TAFA4: variants seen among roughly 807,000 people sequenced by gnomAD.
TAFA4 encodes TAFA chemokine like family member 4, also known as chemokine-like protein TAFA-4.
TAFA4 carries 20 observed loss-of-function variants against 21.1 expected under a neutral mutation model. The observed-to-expected ratio is 0.95, with a 90% CI of 0.67 to 1.38. The LOEUF (loss-of-function observed/expected upper bound fraction) is 1.38, where lower values mean the gene tolerates loss of function less well. TAFA4 is among the 40% of genes most tolerant of loss of function. The pLI is 0.00. For missense variants in TAFA4, 211 were observed against 180.9 expected (o/e 1.17, Z -0.95); for synonymous variants, 71 against 67.4 (o/e 1.05, Z -0.26).
At position 68,836,332 on chromosome 3, in the gene TAFA4, C is replaced by G. The variant is rs145018552; in HGVS notation, c.130+44398G>C. Among the ~76,000 whole-genome samples the G allele has an allele frequency of 1.1e-4, 17 of 152,252 alleles. No homozygotes were observed. The East Asian group carries it at 2.3e-3, about 21-fold the overall frequency. On this transcript the variant is annotated intron_variant, in intron 3 of 5. Transcript: ENST00000295569. ...AAATGCTGAGAAGAGAGTGGTGGCT[C>G]AAAATTAACAGGGGATAATAGCTGT...
At chr3:68,928,218 C>T (rs2090127294) in intron 1 of TAFA4, among the ~76,000 whole-genome samples, 1 of 152,262 alleles carries the variant, frequency 6.6e-6, no homozygotes, top group African/African-American at 2.4e-5. Flanking sequence ...AGTAGTTCAT[C>T]CATATAAAGA....
intron 3 of TAFA4, among the ~76,000 whole-genome samples, chr3:68,768,240 A>C (rs1409628948): frequency 1.3e-5 from 2 of 152,214 alleles, no homozygotes; most frequent in Non-Finnish European, 2.9e-5. Flanking sequence ...AGAATATATA[A>C]GAAACTCAAC....
intron 3 of TAFA4, among the ~76,000 whole-genome samples, chr3:68,823,212 T>TA (rs1047206957): frequency 1.3e-5 from 2 of 152,204 alleles, no homozygotes; most frequent in South Asian, 2.1e-4. Flanking sequence ...TTGGATGAGA[T>TA]AAAAAATTAC....
chr3:68,825,765 G>T (rs1176985052), intron 3 of TAFA4, among the ~76,000 whole-genome samples: 1 of 152,206 alleles, frequency 6.6e-6, no homozygotes, highest in Non-Finnish European at 1.5e-5. Context: ...TCAAATCTGT[G>T]ACCATTCTGC....
At chr3:68,907,121 A>G (rs2089909122) in intron 1 of TAFA4, among the ~76,000 whole-genome samples, 1 of 151,346 alleles carries the variant, frequency 6.6e-6, no homozygotes, top group African/African-American at 2.4e-5. Flanking sequence ...GGTACATTAC[A>G]CCCATCATGA....
At chr3:68,853,133 T>C (rs575221092) in intron 3 of TAFA4, among the ~76,000 whole-genome samples, 1 of 152,290 alleles carries the variant, frequency 6.6e-6, no homozygotes, top group African/African-American at 2.4e-5. Flanking sequence ...ATAAGTAAAT[T>C]ATACTTTATG....
intron 1 of TAFA4, among the ~76,000 whole-genome samples, chr3:68,900,015 G>C (rs2089828421): frequency 6.6e-6 from 1 of 150,764 alleles, no homozygotes; most frequent in African/African-American, 2.4e-5. Context: ...TGAGGCAGGG[G>C]ACTGCCTGAG....
At chr3:68,785,464 C>T (rs55957991) in intron 3 of TAFA4, among the ~76,000 whole-genome samples, 31,040 of 152,208 alleles carry the variant, frequency 0.2, 4,035 homozygotes, top group East Asian at 0.61. Context: ...CTGCCCCGCG[C>T]GGGAAGGCAG....
intron 3 of TAFA4, among the ~76,000 whole-genome samples, chr3:68,846,407 C>T (rs900179076): frequency 6.6e-6 from 1 of 151,954 alleles, no homozygotes; most frequent in Non-Finnish European, 1.5e-5. Flanking sequence ...TTCTAGTTAG[C>T]AATTCATCTA....
chr3:68,831,930 A>G (rs902837801), intron 3 of TAFA4, among the ~76,000 whole-genome samples: 14 of 151,850 alleles, frequency 9.2e-5, no homozygotes, highest in African/African-American at 3.1e-4. Context: ...CATTAATTTG[A>G]TCTTCAATCA....
intron 3 of TAFA4, among the ~76,000 whole-genome samples, chr3:68,792,573 T>A (rs1332860430): frequency 6.6e-6 from 1 of 152,186 alleles, no homozygotes; most frequent in Non-Finnish European, 1.5e-5. Context: ...ATACAAAATA[T>A]GACACACACA....
At chr3:68,922,642 C>T (rs2090069959) in intron 1 of TAFA4, among the ~76,000 whole-genome samples, 1 of 152,164 alleles carries the variant, frequency 6.6e-6, no homozygotes, top group African/African-American at 2.4e-5. Flanking sequence ...TGAGTTTACA[C>T]TTGGGATCCT....
chr3:68,847,425 T>G (rs1289897382), intron 3 of TAFA4, among the ~76,000 whole-genome samples: 1 of 152,222 alleles, frequency 6.6e-6, no homozygotes. Flanking sequence ...AGCAAGAATT[T>G]CAAGCCAGTG....
At chr3:68,885,870 T>G (rs1043924519) in intron 1 of TAFA4, among the ~76,000 whole-genome samples, 1 of 152,146 alleles carries the variant, frequency 6.6e-6, no homozygotes, top group Non-Finnish European at 1.5e-5. Flanking sequence ...TAAAGAACAC[T>G]TGTGAATACT....
intron 3 of TAFA4, among the ~76,000 whole-genome samples, chr3:68,798,869 GA>G (rs576980269): frequency 1.1e-3 from 163 of 152,134 alleles, no homozygotes; most frequent in African/African-American, 3.8e-3. Flanking sequence ...AAAGGAACAA[GA>G]AAAAATAAAA....
intron 3 of TAFA4, among the ~76,000 whole-genome samples, chr3:68,757,993 C>T (rs1004795060): frequency 6.6e-6 from 1 of 151,992 alleles, no homozygotes; most frequent in Non-Finnish European, 1.5e-5. Context: ...CTGTTTTTTA[C>T]TCCGATTTTA....
intron 3 of TAFA4, among the ~76,000 whole-genome samples, chr3:68,871,929 G>A (rs1006617382): frequency 6.6e-6 from 1 of 152,018 alleles, no homozygotes; most frequent in Non-Finnish European, 1.5e-5. Context: ...GTGGAGAAAG[G>A]AGAACACTCA....
At chr3:68,931,110 T>A (rs1457638889) in intron 1 of TAFA4, among the ~76,000 whole-genome samples, 1 of 152,174 alleles carries the variant, frequency 6.6e-6, no homozygotes, top group African/African-American at 2.4e-5. Context: ...ACAAGCTTTA[T>A]GCCAAGGATA....
chr3:68,873,012 A>C (rs1483362923), intron 3 of TAFA4, among the ~76,000 whole-genome samples: 1 of 152,124 alleles, frequency 6.6e-6, no homozygotes, highest in Non-Finnish European at 1.5e-5. Flanking sequence ...ATCCCTTTTC[A>C]TAGACAGCAT....
Sources: gnomAD v4.1 joint callset for allele counts (sites outside exome capture counted in the v4.1 genomes callset) on GRCh38, gnomAD v4.1.1 for gene constraint, MANE v1.5 for transcripts, NCBI Gene and HGNC (gene_info 2026-07-23, HGNC 2026-07-21) for gene names.